LRRC7: variants seen among roughly 807,000 people sequenced by gnomAD.
LRRC7 encodes the protein leucine rich repeat containing 7.
In LRRC7, 23 loss-of-function variants were observed where a neutral mutation model predicts 175.7. That is an observed-to-expected ratio of 0.13 (90% CI 0.09 to 0.19). LRRC7 has a LOEUF of 0.19. LRRC7 is among the 10% of genes least tolerant of loss of function. The probability of loss-of-function intolerance (pLI) is 1.00; values close to 1 mark genes in which losing one functional copy is unlikely to be tolerated. For missense variants in LRRC7, 1,354 were observed against 1,904.7 expected, an observed-to-expected ratio of 0.71 and a Z score of 5.38; for synonymous variants, 685 against 680.9, an observed-to-expected ratio of 1.01 and a Z score of -0.09.
At chr1:69,928,255 G>T (rs1259859311) in intron 7 of LRRC7, among the ~76,000 whole-genome samples, 1 of 152,212 alleles carries the variant, frequency 6.6e-6, no homozygotes, top group Admixed American at 6.5e-5. Context: ...GGGGTCAGGA[G>T]TCAGGGACCC....
At position 69,777,503 on chromosome 1, in the gene LRRC7, G is replaced by A. The variant is rs548807189; in HGVS notation, c.304-14540G>A. On this transcript the variant is annotated intron_variant, in intron 3 of 26. Transcript: ENST00000651989. ...CCACAGTGAAGACTCACAAAGCTAC[G>A]ATGCCAGCTCAGCCCAGTCTCTCAG... 5.9e-5 allele frequency among the ~76,000 whole-genome samples: 9 copies of A among 152,204 alleles called. No individual in the cohort carries two copies. In the South Asian group the frequency reaches 6.2e-4, roughly 11 times the overall value.
intron 25 of LRRC7, among the ~76,000 whole-genome samples, chr1:70,092,765 A>C (rs894560625): frequency 1.3e-5 from 2 of 152,122 alleles, no homozygotes; most frequent in African/African-American, 2.4e-5. Flanking sequence ...AGATTGTTGC[A>C]GAAAAACACT....
At chr1:69,889,200 G>A (rs915988692) in intron 7 of LRRC7, among the ~76,000 whole-genome samples, 7 of 152,274 alleles carry the variant, frequency 4.6e-5, no homozygotes, top group Middle Eastern at 3.4e-3. Context: ...TCAGGGTGGT[G>A]GTTGATTAAG....
At chr1:69,992,324 T>C (rs575252088) in intron 10 of LRRC7, among the ~76,000 whole-genome samples, 128 of 152,232 alleles carry the variant, frequency 8.4e-4, no homozygotes, top group African/African-American at 2.8e-3. Flanking sequence ...GTAGTTAAAA[T>C]TGTAGGAAAA....
At chr1:69,780,814 A>G (rs1435072161) in intron 3 of LRRC7, among the ~76,000 whole-genome samples, 1 of 152,236 alleles carries the variant, frequency 6.6e-6, no homozygotes, top group Admixed American at 6.5e-5. Context: ...AGGCCAACTC[A>G]CTAGACAACC....
Position 70,129,311 on chromosome 1 carries a change from A to G in LRRC7, c.*7424A>G, listed in dbSNP as rs1196324172. On this transcript the variant is annotated 3_prime_UTR_variant, in exon 27 of 27. Coordinates refer to ENST00000651989, the MANE Select transcript of LRRC7 (RefSeq NM_001370785.2). The stretch of plus-strand genomic sequence containing the variant: ...ATGAATATTTGCCAGGATTTAGGGC[A>G]ACATTTGATAGGCTAAACGTGGCAA... 1.3e-5 allele frequency among the ~76,000 whole-genome samples: 2 copies of G among 152,136 alleles called. No homozygotes were observed. The highest frequency in any genetic ancestry group is 1.3e-4 in the Admixed American group (2 of 15,260).
intron 3 of LRRC7, among the ~76,000 whole-genome samples, chr1:69,783,161 C>T (rs975025662): frequency 6.6e-6 from 1 of 152,158 alleles, no homozygotes; most frequent in Non-Finnish European, 1.5e-5. Flanking sequence ...TTTTCTGCAC[C>T]TTCCAATCTT....
chr1:70,116,543 T>C lies in LRRC7; in HGVS notation c.4621-5237T>C, dbSNP rs545979776. On this transcript the variant is annotated intron_variant, in intron 26 of 26. Transcript: ENST00000651989. The stretch of plus-strand genomic sequence containing the variant: ...GCCTGGGCGACAGAGCAAGACTCCA[T>C]GTCAAAAAAAAAAAAAAAAAAACAC... Among the ~76,000 whole-genome samples the C allele has an allele frequency of 9.3e-3, 745 of 79,970 alleles. 5 individuals are homozygous for C. Among genetic ancestry groups the C allele is most frequent in the Non-Finnish European group, 0.011 (476 of 41,932 alleles). The allele number at this position is 79,970 out of a possible 152,430, so 52.5% of individuals were successfully genotyped here.
chr1:69,713,781 C>A (rs967212587), intron 2 of LRRC7, among the ~76,000 whole-genome samples: 3 of 151,414 alleles, frequency 2.0e-5, no homozygotes, highest in East Asian at 3.9e-4. Context: ...GGTTTGAATT[C>A]TGGGGAATAG....
rs1269921800 is a variant in LRRC7, at chr1:70,038,713, T to G, written c.2889T>G (p.Ile963Met). 1.2e-5 allele frequency: 19 copies of G among 1,614,082 alleles called. No individual in the cohort carries two copies. The highest frequency in any genetic ancestry group is 1.6e-5 in the Non-Finnish European group (19 of 1,180,008). Residue 963 changes from isoleucine (I) to methionine (M), a missense_variant, in exon 21 of 27, where the codon ATT (isoleucine) becomes ATG (methionine). Ile to Met is a conservative substitution (Grantham distance 10). Around this residue, in one of 4 missense-constraint regions of LRRC7, gnomAD observed 1,032 missense variants for 1,227.2 expected, o/e 0.84. Coordinates refer to ENST00000651989, the MANE Select transcript of LRRC7 (RefSeq NM_001370785.2). ...AATCTTCTAAAGGTGTTATTTCAAT[T>G]AGCAAAAGCACAGAGAGGCTTTCCC... ...RPESSKGVIS[I>M]SKSTERLSPL... is the part of the protein sequence containing the mutation.
intron 22 of LRRC7, among the ~76,000 whole-genome samples, chr1:70,052,035 T>C (rs1660787078): frequency 1.3e-5 from 2 of 152,038 alleles, no homozygotes; most frequent in Admixed American, 6.6e-5. Context: ...TAGCTGGGCT[T>C]TATCAGTAGG....
At chr1:70,001,306 C>T (rs949809396) in intron 11 of LRRC7, among the ~76,000 whole-genome samples, 1 of 152,070 alleles carries the variant, frequency 6.6e-6, no homozygotes, top group African/African-American at 2.4e-5. Context: ...AACTGTCATG[C>T]ACCTACTCTC....
At chr1:70,048,785 G>A (rs17131159) in intron 22 of LRRC7, among the ~76,000 whole-genome samples, 19,527 of 152,050 alleles carry the variant, frequency 0.13, 1,728 homozygotes, top group African/African-American at 0.24. Flanking sequence ...ATCCACTTGC[G>A]TTTCCTGAGC....
At chr1:69,726,118 T>A (rs2100799165) in intron 2 of LRRC7, among the ~76,000 whole-genome samples, 1 of 152,346 alleles carries the variant, frequency 6.6e-6, no homozygotes, top group South Asian at 2.1e-4. Flanking sequence ...ACACACATTT[T>A]CTTACTTAGC....
At chr1:69,648,860 T>C (rs1186360332) in intron 1 of LRRC7, among the ~76,000 whole-genome samples, 1 of 152,146 alleles carries the variant, frequency 6.6e-6, no homozygotes, top group Non-Finnish European at 1.5e-5. Flanking sequence ...TAAAAACAGG[T>C]GATGAGATAT....
At chr1:69,988,980 C>T (rs1654187638) in intron 10 of LRRC7, among the ~76,000 whole-genome samples, 1 of 152,024 alleles carries the variant, frequency 6.6e-6, no homozygotes, top group Non-Finnish European at 1.5e-5. Context: ...AGAATTTACC[C>T]TAAGGGAAAC....
intron 2 of LRRC7, among the ~76,000 whole-genome samples, chr1:69,744,555 T>A (rs1669058341): frequency 6.6e-6 from 1 of 152,030 alleles, no homozygotes; most frequent in South Asian, 2.1e-4. Flanking sequence ...TGCATTCATA[T>A]GTTAATCTCA....
rs1648814872 is a variant in LRRC7, at chr1:69,942,384, G to T, written c.711+10814G>T. ...AGTTAAAATATCTTACTTTTATCCA[G>T]AATTCCAGGCCTACATATATACCTG... On this transcript the variant is annotated intron_variant, in intron 8 of 26. Coordinates refer to ENST00000651989, the MANE Select transcript of LRRC7 (RefSeq NM_001370785.2). 2.0e-5 allele frequency among the ~76,000 whole-genome samples: 3 copies of T among 152,192 alleles called. No individual in the cohort carries two copies. The South Asian group carries it at 6.2e-4, about 31-fold the overall frequency.
At chr1:69,579,816 T>G (rs1569653786) in intron 1 of LRRC7, among the ~76,000 whole-genome samples, 1 of 129,338 alleles carries the variant, frequency 7.7e-6, no homozygotes, top group African/African-American at 3.0e-5. Context: ...TTTTTTTTGG[T>G]AGAGCCAGCA....
Sources: allele counts gnomAD v4.1 joint callset (sites outside exome capture counted in the v4.1 genomes callset), GRCh38; gene constraint gnomAD v4.1.1; regional missense constraint gnomAD v4.1.1; transcripts MANE v1.5; gene names NCBI Gene and HGNC (gene_info 2026-07-23, HGNC 2026-07-21).